Variants in CXorf58 observed in about 807,000 individuals in gnomAD.
The protein encoded by CXorf58 is chromosome X open reading frame 58.
A neutral mutation model predicts 26.0 loss-of-function variants in CXorf58; 24 were observed. That is an observed-to-expected ratio of 0.92 (90% CI 0.67 to 1.30). The LOEUF (loss-of-function observed/expected upper bound fraction) is 1.30. Among genes scored for constraint, CXorf58 ranks in the 50% most tolerant of loss-of-function variants. CXorf58 has a pLI of 0.00. For missense variants in CXorf58, 236 were observed against 263.9 expected, an observed-to-expected ratio of 0.89 and a Z score of 0.73; for synonymous variants, 87 against 86.1, an observed-to-expected ratio of 1.01 and a Z score of -0.06.
intron 3 of CXorf58, among the ~76,000 whole-genome samples, chrX:23,913,779 C>T (rs185422014): frequency 2.3e-3 from 253 of 109,354 alleles, no homozygotes; most frequent in African/African-American, 8.0e-3. Flanking sequence ...TGGTGGTGTG[C>T]GCCTGTAATC....
intron 5 of CXorf58, among the ~76,000 whole-genome samples, chrX:23,926,932 T>C (rs1466579397): frequency 9.0e-6 from 1 of 111,157 alleles, no homozygotes; most frequent in Non-Finnish European, 1.9e-5. Flanking sequence ...GGCAGGAGAA[T>C]CGCTTGAACC....
chrX:23,909,069 G>A (rs777339139), intron 1 of CXorf58, among the ~76,000 whole-genome samples: 12 of 111,382 alleles, frequency 1.1e-4, no homozygotes, highest in Middle Eastern at 4.6e-3. Flanking sequence ...AGATGTTAAG[G>A]GCTGCTTTTC....
intron 3 of CXorf58, among the ~76,000 whole-genome samples, chrX:23,914,178 C>T (rs764434435): frequency 1.6e-4 from 18 of 110,266 alleles, no homozygotes; most frequent in East Asian, 5.8e-4. Flanking sequence ...CTCTGCCTCC[C>T]GGGTTCAAGC....
chrX:23,917,966 G>T (rs1927774281), intron 5 of CXorf58, among the ~76,000 whole-genome samples: 1 of 111,108 alleles, frequency 9.0e-6, no homozygotes, highest in Non-Finnish European at 1.9e-5. Flanking sequence ...TCAACCTCCC[G>T]AGTAGCTGGG....
At chrX:23,931,497 A>G (rs544159591) in intron 6 of CXorf58, among the ~76,000 whole-genome samples, 84 of 112,461 alleles carry the variant, frequency 7.5e-4, no homozygotes, top group African/African-American at 2.6e-3. Context: ...CTGAGGTCAC[A>G]GACAGATCTG....
chrX:23,935,778 CT>C (rs779736739), intron 7 of CXorf58, among the ~76,000 whole-genome samples: 59 of 101,826 alleles, frequency 5.8e-4, no homozygotes, highest in Admixed American at 6.4e-4. Flanking sequence ...GCGTAGTTGC[CT>C]TTTTTTTTTT....
At chrX:23,923,006 C>CCT (rs1309269181) in intron 5 of CXorf58, among the ~76,000 whole-genome samples, 6 of 112,004 alleles carry the variant, frequency 5.4e-5, no homozygotes, top group African/African-American at 1.9e-4. Context: ...ACAGAACCTG[C>CCT]CTCTTGAATC....
intron 2 of CXorf58, among the ~76,000 whole-genome samples, chrX:23,911,026 C>T (rs1337805630): frequency 9.0e-6 from 1 of 110,817 alleles, no homozygotes; most frequent in Admixed American, 9.7e-5. Context: ...CTCGGCCTCC[C>T]AAACTGCTGG....
chrX:23,935,213 T>C lies in CXorf58; in HGVS notation c.573T>C (p.Asp191=), dbSNP rs1293491380. 5 of 1,208,021 alleles carry C rather than the reference T, an allele frequency of 4.1e-6. No individual in the cohort carries two copies. The Admixed American group carries it at 1.1e-4, about 27-fold the overall frequency. Residue 191 remains aspartate (D), a synonymous_variant, in exon 7 of 9, where the codon GAT becomes GAC. Transcript: ENST00000379211. ...CCCTACAGTATCGCAGTTTTTTCGA[T>C]GAGGCCCCTGCATTTTCTGGCGGCA... is the stretch of plus-strand genomic sequence containing the variant. The part of the protein sequence containing the change: ...QDYVQYRSFF[D]EAPAFSGGRN...
At chrX:23,923,654 A>G (rs1306838190) in intron 5 of CXorf58, among the ~76,000 whole-genome samples, 1 of 108,180 alleles carries the variant, frequency 9.2e-6, no homozygotes, top group African/African-American at 3.4e-5. Context: ...AAAAAAAAAA[A>G]ACCCTAAATA....
At chrX:23,937,889 A>AT (rs753150925) in intron 7 of CXorf58, among the ~76,000 whole-genome samples, 1,832 of 100,802 alleles carry the variant, frequency 0.018, 22 homozygotes, top group Middle Eastern at 0.026. Context: ...ATGAAATGTA[A>AT]TTTTTTTTTT....
At chrX:23,917,344 A>G (rs748925899) in intron 5 of CXorf58, among the ~76,000 whole-genome samples, 8 of 108,493 alleles carry the variant, frequency 7.4e-5, no homozygotes, top group East Asian at 2.9e-4. Context: ...CAAAAAAAAA[A>G]AAAAAAAGAA....
intron 6 of CXorf58, among the ~76,000 whole-genome samples, chrX:23,933,027 G>A (rs1057300300): frequency 1.8e-5 from 2 of 111,104 alleles, no homozygotes; most frequent in African/African-American, 6.5e-5. Flanking sequence ...CGGGTGCAGT[G>A]GCTCATGTCT....
intron 5 of CXorf58, among the ~76,000 whole-genome samples, chrX:23,917,720 C>T (rs748385103): frequency 5.3e-5 from 6 of 112,779 alleles, no homozygotes; most frequent in Non-Finnish European, 1.1e-4. Flanking sequence ...ACCTGGCACT[C>T]TCATCATACT....
intron 6 of CXorf58, among the ~76,000 whole-genome samples, chrX:23,931,899 A>T (rs1326058493): frequency 8.9e-6 from 1 of 112,564 alleles, no homozygotes; most frequent in Non-Finnish European, 1.9e-5. Context: ...AACCCAACAC[A>T]TTTAGAACAC....
chrX:23,908,858 G>A (rs1927489491), intron 1 of CXorf58, among the ~76,000 whole-genome samples: 1 of 112,091 alleles, frequency 8.9e-6, no homozygotes, highest in African/African-American at 3.2e-5. Context: ...CAAGGAGAAC[G>A]CACACGTAGG....
At chrX:23,921,994 A>T (rs1927882391) in intron 5 of CXorf58, among the ~76,000 whole-genome samples, 1 of 111,053 alleles carries the variant, frequency 9.0e-6, no homozygotes, top group South Asian at 3.8e-4. Flanking sequence ...ACTTTCTATC[A>T]AATATGATCT....
At chrX:23,929,042 G>C (rs1250917664) in intron 6 of CXorf58, among the ~76,000 whole-genome samples, 1 of 111,576 alleles carries the variant, frequency 9.0e-6, no homozygotes, top group Admixed American at 9.6e-5. Context: ...AATTAAAAGT[G>C]CTACTCCAGC....
chrX:23,926,307 C>G (rs1186986934), intron 5 of CXorf58, among the ~76,000 whole-genome samples: 1 of 111,075 alleles, frequency 9.0e-6, no homozygotes, highest in Admixed American at 9.7e-5. Flanking sequence ...AGGATTTGAG[C>G]TTCCATATAT....
Sources: gnomAD v4.1 joint callset for allele counts (sites outside exome capture counted in the v4.1 genomes callset) on GRCh38, gnomAD v4.1.1 for gene constraint, MANE v1.5 for transcripts, NCBI Gene and HGNC (gene_info 2026-07-23, HGNC 2026-07-21) for gene names.